The following PCDH10 variants were observed in gnomAD, a reference collection of about 807,000 sequenced individuals.
PCDH10 encodes protocadherin-10.
A neutral mutation model predicts 74.4 loss-of-function variants in PCDH10; 15 were observed. That is an observed-to-expected ratio of 0.20 (90% CI 0.13 to 0.31). The LOEUF (loss-of-function observed/expected upper bound fraction) is 0.31, where lower values mean the gene tolerates loss of function less well. PCDH10 is among the 10% of genes least tolerant of loss of function. The pLI, the probability that PCDH10 is intolerant of heterozygous loss-of-function variation, is 1.00. For synonymous variants in PCDH10, 619 were observed against 589.8 expected (o/e 1.05, Z -0.72); for missense variants, 1,260 against 1,390.2 (o/e 0.91, Z 1.49).
chr4:133,181,585 T>G (rs1028661930), intron 4 of PCDH10, among the ~76,000 whole-genome samples: 8 of 152,040 alleles, frequency 5.3e-5, no homozygotes, highest in Non-Finnish European at 8.8e-5. Flanking sequence ...ACACACTGTA[T>G]TTTTTCTGGC....
At chr4:133,158,246 G>A (rs1272817862) in intron 3 of PCDH10, among the ~76,000 whole-genome samples, 1 of 152,030 alleles carries the variant, frequency 6.6e-6, no homozygotes, top group East Asian at 1.9e-4. Context: ...ATTTTAAATT[G>A]TATATTCTTA....
intron 4 of PCDH10, among the ~76,000 whole-genome samples, chr4:133,165,018 G>GTA (rs1036358088): frequency 6.8e-6 from 1 of 146,022 alleles, no homozygotes; most frequent in African/African-American, 2.5e-5. Flanking sequence ...ATATATATGT[G>GTA]TATATATATG....
At chr4:133,163,967 T>C in intron 4 of PCDH10, 1 of 451,092 alleles carries the variant, frequency 2.2e-6, no homozygotes, top group Non-Finnish European at 4.4e-6. Context: ...AGGTTGTGGC[T>C]ATTAACCTGG....
intron 3 of PCDH10, among the ~76,000 whole-genome samples, chr4:133,160,323 TTTA>T (rs1172468983): frequency 1.3e-5 from 2 of 151,890 alleles, no homozygotes; most frequent in African/African-American, 4.8e-5. Context: ...AATTCATAGA[TTTA>T]TTAAGAACAT....
rs1191113299 is a variant in PCDH10, at chr4:133,150,968, C to T, written c.828C>T (p.Asp276=). 3 of 1,613,866 alleles carry T rather than the reference C, an allele frequency of 1.9e-6. No homozygotes were observed. The highest frequency in any genetic ancestry group is 2.5e-6 in the Non-Finnish European group (3 of 1,180,050). ...GTLVIQLNAT[D]PDEGQNGEVV... is the part of the protein sequence containing the mutation. ...TCGTGATCCAGCTCAACGCCACCGACCCGGACGAGGGCCAGAACGGTGAGG... is the reference window on the plus strand; with the variant it reads ...TCGTGATCCAGCTCAACGCCACCGATCCGGACGAGGGCCAGAACGGTGAGG... The change falls in exon 1 of 5, where the codon GAC becomes GAT. Residue 276 remains aspartate, a synonymous_variant. Transcript: ENST00000264360.
rs1212235018 is a variant in PCDH10, at chr4:133,193,347, T to C, written c.*3187T>C. ...TTTAAAGATATTAAATGCACTGCCTTTATCAAACATTGCAAATTAAGAACT... is the reference window on the plus strand; with the variant it reads ...TTTAAAGATATTAAATGCACTGCCTCTATCAAACATTGCAAATTAAGAACT... On this transcript the variant is annotated 3_prime_UTR_variant, in exon 5 of 5. Coordinates refer to ENST00000264360, the MANE Select transcript of PCDH10 (RefSeq NM_032961.3). 2.0e-5 allele frequency: 3 copies of C among 151,706 alleles called. No individual in the cohort carries two copies. Among genetic ancestry groups the C allele is most frequent in the Non-Finnish European group, 3.0e-5 (2 of 67,664 alleles). The allele number at this position is 151,706 out of a possible 1,614,324, so 9.4% of individuals were successfully genotyped here. A position where few individuals can be genotyped will look rare whatever the true frequency, so the allele number is the denominator to read the frequency against.
At position 133,182,985 on chromosome 4, in the gene PCDH10, C is replaced by T. The variant is rs558346556; in HGVS notation, c.3104-7156C>T. Among the ~76,000 whole-genome samples the T allele has an allele frequency of 6.0e-4, 91 of 151,806 alleles. 1 individual carries two copies. The highest frequency in any genetic ancestry group is 2.0e-3 in the African/African-American group (84 of 41,436). On this transcript the variant is annotated intron_variant, in intron 4 of 4. Transcript: ENST00000264360. Reference sequence around the variant, plus strand: ...TTAAAAGTTTAATTTTTTAGAGTTTCAAAAATAGATCTTTAGAATACTGAC... The same window carrying T: ...TTAAAAGTTTAATTTTTTAGAGTTTTAAAAATAGATCTTTAGAATACTGAC...
At chr4:133,199,636 C>T (rs1242132998), downstream of PCDH10, among the ~76,000 whole-genome samples, 1 of 151,186 alleles carries the variant, frequency 6.6e-6, no homozygotes, top group East Asian at 1.9e-4. Flanking sequence ...AGGAAAAAAA[C>T]TCTGCAAAAA....
chr4:133,172,700 G>A (rs924276802), intron 4 of PCDH10, among the ~76,000 whole-genome samples: 3 of 151,936 alleles, frequency 2.0e-5, no homozygotes, highest in African/African-American at 7.2e-5. Flanking sequence ...GAAAAATAAT[G>A]GAGTATGTTT....
In PCDH10 at chr4:133,153,237, T is replaced by C. The variant is rs189190031; in HGVS notation, c.2631+466T>C. 4.1e-5 allele frequency: 42 copies of C among 1,028,986 alleles called. No individual in the cohort carries two copies. The East Asian group carries it at 3.7e-3, about 90-fold the overall frequency. 63.7% of individuals were successfully genotyped at this position (1,028,986 alleles called of 1,614,324 possible). A position where few individuals can be genotyped will look rare whatever the true frequency, so the allele number is the denominator to read the frequency against. The stretch of plus-strand genomic sequence containing the variant: ...GTCGCGTGTACAAGTAAGCTATAGA[T>C]TGTTTAACTTTACACAGTTGTCTAA... On this transcript the variant is annotated intron_variant, in intron 1 of 4. Coordinates refer to ENST00000264360, the MANE Select transcript of PCDH10 (RefSeq NM_032961.3).
At position 133,151,956 on chromosome 4, in the gene PCDH10, G is replaced by T. The variant is rs1373246244; in HGVS notation, c.1816G>T (p.Val606Leu). Residue 606 changes from valine to leucine, a missense_variant, in exon 1 of 5, where the codon GTG (valine) becomes TTG (leucine). Physicochemically the swap from Val to Leu is conservative, Grantham distance 32. This residue lies in a region of PCDH10 where 587 missense variants were observed against 616.9 expected (regional missense o/e 0.95). Transcript: ENST00000264360. Reference protein sequence around the residue: ...PGYLLTRVAAVDADDGENARL... With the variant: ...PGYLLTRVAALDADDGENARL... ...TTACCTGCTCACCCGCGTGGCCGCC[G>T]TGGACGCGGACGACGGCGAGAACGC... 1.9e-6 allele frequency: 3 copies of T among 1,612,306 alleles called. No homozygotes were observed. In the Admixed American group the frequency reaches 5.0e-5, roughly 27 times the overall value.
Position 133,152,106 on chromosome 4 carries a change from C to A in PCDH10, c.1966C>A (p.Leu656Met). 1 of 1,581,614 alleles carries A rather than the reference C, an allele frequency of 6.3e-7. No individual in the cohort carries two copies. Among genetic ancestry groups the A allele is most frequent in the South Asian group, 1.2e-5 (1 of 85,514 alleles). ...AKRDPQRPYE[L>M]VIEVRDHGQP... ...GCGCGACCCCCAGCGGCCTTATGAG[C>A]TGGTGATCGAGGTGCGCGACCATGG... is the stretch of plus-strand genomic sequence containing the variant. Residue 656 changes from leucine (L) to methionine (M), a missense_variant, in exon 1 of 5, where the codon CTG (leucine) becomes ATG (methionine). Physicochemically the swap from Leu to Met is conservative, Grantham distance 15. Around this residue, in one of 11 missense-constraint regions of PCDH10, gnomAD observed 587 missense variants for 616.9 expected, o/e 0.95. Transcript: ENST00000264360.
Position 133,169,409 on chromosome 4 carries a change from A to G in PCDH10, c.3103+6127A>G, listed in dbSNP as rs148646905. On this transcript the variant is annotated intron_variant, in intron 4 of 4. Transcript: ENST00000264360. Reference sequence around the variant, plus strand: ...TTACACCACTTTTATTCAATACTTTATAGTTCTTTAGTATGACTCTTCAAC... The same window carrying G: ...TTACACCACTTTTATTCAATACTTTGTAGTTCTTTAGTATGACTCTTCAAC... Among the ~76,000 whole-genome samples, 501 of 151,972 alleles carry G rather than the reference A, an allele frequency of 3.3e-3. 5 individuals carry two copies. Among genetic ancestry groups the G allele is most frequent in the African/African-American group, 0.011 (474 of 41,562 alleles).
chr4:133,197,890 A>T (rs1482566027), downstream of PCDH10, among the ~76,000 whole-genome samples: 4 of 151,726 alleles, frequency 2.6e-5, no homozygotes, highest in African/African-American at 9.7e-5. Context: ...GAATTCTCTT[A>T]TTCTCAGTTG....
At chr4:133,197,342 T>G (rs139754771), downstream of PCDH10, among the ~76,000 whole-genome samples, 1,810 of 152,306 alleles carry the variant, frequency 0.012, 40 homozygotes, top group African/African-American at 0.042. Flanking sequence ...GTATTCGGTA[T>G]CTGCTCAATA....
At chr4:133,204,909 G>C (rs1234149529) in intron 2 of PCDH10, among the ~76,000 whole-genome samples, 1 of 152,204 alleles carries the variant, frequency 6.6e-6, no homozygotes, top group Admixed American at 6.5e-5. Context: ...ACCACTTGGA[G>C]TGTGTACTTG....
chr4:133,154,114 G>T (rs1337014457), intron 1 of PCDH10, among the ~76,000 whole-genome samples, 193 bp from the exon 2 acceptor site: 1 of 152,108 alleles, frequency 6.6e-6, no homozygotes, highest in African/African-American at 2.4e-5. Context: ...TGACTAAAAT[G>T]TGGATTTAAG....
Position 133,154,039 on chromosome 4 carries a change from G to A in PCDH10, c.2632-268G>A, listed in dbSNP as rs150167252. On this transcript the variant is annotated intron_variant, in intron 1 of 4. Transcript: ENST00000264360. ...ATGAGCTCTAGCCATGAGGTCATTT[G>A]CATTTTCTCTTTAAAAAACACACAC... Among the ~76,000 whole-genome samples, 324 of 152,184 alleles carry A rather than the reference G, an allele frequency of 2.1e-3. 1 individual carries two copies. The highest frequency in any genetic ancestry group is 7.4e-3 in the African/African-American group (308 of 41,522).
At chr4:133,204,845 A>G (rs141231760) in intron 2 of PCDH10, among the ~76,000 whole-genome samples, 364 of 152,314 alleles carry the variant, frequency 2.4e-3, no homozygotes, top group African/African-American at 7.7e-3. Flanking sequence ...ACAGCAATTT[A>G]TTAGTCACAT....
Sources: gnomAD v4.1 joint callset for allele counts (sites outside exome capture counted in the v4.1 genomes callset) on GRCh38, gnomAD v4.1.1 for gene constraint, gnomAD v4.1.1 regional missense constraint, MANE v1.5 for transcripts, NCBI Gene and HGNC (gene_info 2026-07-23, HGNC 2026-07-21) for gene names.